The following MARCHF1 variants were observed in gnomAD, a reference collection of about 807,000 sequenced individuals.
The protein encoded by MARCHF1 is E3 ubiquitin-protein ligase MARCHF1.
Under a neutral mutation model 54.2 loss-of-function variants are expected in MARCHF1, and 40 were observed. The observed-to-expected ratio is 0.74, with a 90% CI of 0.57 to 0.96. MARCHF1 has a LOEUF of 0.96. Among genes scored for constraint, MARCHF1 ranks in the 40% least tolerant of loss-of-function variants. MARCHF1 has a pLI of 0.00. For missense variants in MARCHF1, 586 were observed against 656.5 expected (o/e 0.89, Z 1.17); for synonymous variants, 236 against 236.3 (o/e 1.00, Z 0.01).
At chr4:163,533,744 C>T (rs1416846445) in intron 9 of MARCHF1, among the ~76,000 whole-genome samples, 1 of 150,058 alleles carries the variant, frequency 6.7e-6, no homozygotes, top group Admixed American at 6.7e-5. Flanking sequence ...ATGAATTCAT[C>T]ACTGTGTCTA....
chr4:164,190,314 C>G (rs990624358), intron 1 of MARCHF1: 8 of 700,872 alleles, frequency 1.1e-5, no homozygotes, highest in Non-Finnish European at 7.6e-6. Flanking sequence ...GAAGAGGATA[C>G]GGCAGAAAAA....
intron 5 of MARCHF1, among the ~76,000 whole-genome samples, chr4:163,683,531 A>T (rs980696740): frequency 6.6e-6 from 1 of 152,180 alleles, no homozygotes; most frequent in Non-Finnish European, 1.5e-5. Context: ...AATATTAAAG[A>T]TAAGGGACTA....
At chr4:164,275,122 T>C (rs528950127) in intron 1 of MARCHF1, among the ~76,000 whole-genome samples, 1 of 151,742 alleles carries the variant, frequency 6.6e-6, no homozygotes, top group African/African-American at 2.4e-5. Context: ...TAATAAAATA[T>C]AATAAGAGAT....
chr4:164,191,487 C>T (rs367903792), intron 1 of MARCHF1, among the ~76,000 whole-genome samples: 4 of 152,252 alleles, frequency 2.6e-5, no homozygotes, highest in Middle Eastern at 3.4e-3. Flanking sequence ...ATTATCTTTG[C>T]AATTGTCTCT....
At chr4:163,978,462 A>AT (rs1385452583) in intron 3 of MARCHF1, among the ~76,000 whole-genome samples, 2 of 152,170 alleles carry the variant, frequency 1.3e-5, no homozygotes, top group African/African-American at 4.8e-5. Flanking sequence ...CCTTGGAGAT[A>AT]TTAACTCATT....
intron 3 of MARCHF1, among the ~76,000 whole-genome samples, chr4:163,901,565 A>C (rs1213887120): frequency 6.6e-6 from 1 of 152,172 alleles, no homozygotes; most frequent in Non-Finnish European, 1.5e-5. Flanking sequence ...TACTGCACAC[A>C]GAGAGTTTTA....
At chr4:164,067,961 T>C (rs11935147) in intron 2 of MARCHF1, among the ~76,000 whole-genome samples, 4,229 of 151,960 alleles carry the variant, frequency 0.028, 179 homozygotes, top group African/African-American at 0.097. Context: ...CCTAAAAACA[T>C]ATGAAAAAAT....
chr4:164,337,946 A>G (rs1579732166), intron 1 of MARCHF1, among the ~76,000 whole-genome samples: 1 of 152,244 alleles, frequency 6.6e-6, no homozygotes, highest in East Asian at 1.9e-4. Flanking sequence ...CTTTCATAGA[A>G]AATGCCTAAG....
At chr4:163,620,520 T>A (rs1309461872) in intron 5 of MARCHF1, among the ~76,000 whole-genome samples, 5 of 149,724 alleles carry the variant, frequency 3.3e-5, no homozygotes. Context: ...AAGTGTTAAT[T>A]CATTATTTAC....
intron 4 of MARCHF1, among the ~76,000 whole-genome samples, chr4:163,746,280 G>A (rs1046678850): frequency 6.6e-6 from 1 of 152,026 alleles, no homozygotes; most frequent in Non-Finnish European, 1.5e-5. Context: ...TTTTCAGATT[G>A]TCTTTTTTAT....
At chr4:163,773,967 T>G (rs1209711906) in intron 4 of MARCHF1, among the ~76,000 whole-genome samples, 1 of 152,118 alleles carries the variant, frequency 6.6e-6, no homozygotes, top group Non-Finnish European at 1.5e-5. Flanking sequence ...TCATATCTGT[T>G]TTTTATGCTT....
chr4:163,885,273 T>C (rs1290899666), intron 3 of MARCHF1, among the ~76,000 whole-genome samples: 1 of 152,178 alleles, frequency 6.6e-6, no homozygotes, highest in Non-Finnish European at 1.5e-5. Flanking sequence ...TGTCTCAACC[T>C]TCCTTCATTT....
chr4:163,600,091 A>G (rs1740910541), intron 7 of MARCHF1, among the ~76,000 whole-genome samples: 1 of 152,096 alleles, frequency 6.6e-6, no homozygotes, highest in Admixed American at 6.6e-5. Context: ...TAAGAGATAC[A>G]CTCAAGTAGA....
At chr4:164,010,854 C>T (rs1314759842) in intron 2 of MARCHF1, among the ~76,000 whole-genome samples, 1 of 151,994 alleles carries the variant, frequency 6.6e-6, no homozygotes, top group Non-Finnish European at 1.5e-5. Flanking sequence ...ATAGTATCTG[C>T]CTTCAAAATT....
chr4:163,691,781 A>G (rs932301822), intron 5 of MARCHF1, among the ~76,000 whole-genome samples: 1 of 152,174 alleles, frequency 6.6e-6, no homozygotes, highest in Non-Finnish European at 1.5e-5. Flanking sequence ...GCAGTCATCA[A>G]TGGTGGAGGT....
At chr4:164,305,585 A>G (rs1197063029) in intron 1 of MARCHF1, among the ~76,000 whole-genome samples, 2 of 152,138 alleles carry the variant, frequency 1.3e-5, no homozygotes, top group East Asian at 3.8e-4. Flanking sequence ...AGATTGGTAA[A>G]TTGGTGTTTT....
rs1579185414 is a variant in MARCHF1 at position 163,676,727 on chromosome 4, T to C, written c.162+24086A>G. On this transcript the variant is annotated intron_variant, in intron 5 of 9. Transcript: ENST00000514618. ...GCTATGTTGGCATCACTGCACTCCC[T>C]AGGTGACAAGGTGAGACCCTGTCCC... 2.6e-5 allele frequency among the ~76,000 whole-genome samples: 4 copies of C among 152,092 alleles called. No individual in the cohort carries two copies. The East Asian group carries it at 7.7e-4, about 29-fold the overall frequency.
intron 5 of MARCHF1, among the ~76,000 whole-genome samples, chr4:163,637,208 A>G (rs1231928032): frequency 6.6e-6 from 1 of 152,130 alleles, no homozygotes. Flanking sequence ...TGTCTAAAAC[A>G]CCAAAAGCAA....
At chr4:163,717,320 A>G (rs1320652962) in intron 4 of MARCHF1, among the ~76,000 whole-genome samples, 1 of 151,792 alleles carries the variant, frequency 6.6e-6, no homozygotes. Flanking sequence ...TACAAAGGAC[A>G]TGAACTCATC....
Sources: gnomAD v4.1 joint callset for allele counts (sites outside exome capture counted in the v4.1 genomes callset) on GRCh38, gnomAD v4.1.1 for gene constraint, MANE v1.5 for transcripts, NCBI Gene and HGNC (gene_info 2026-07-23, HGNC 2026-07-21) for gene names.